Variants in EGF observed in about 807,000 individuals in gnomAD.
EGF encodes epidermal growth factor, also known as pro-epidermal growth factor.
In EGF, 95 loss-of-function variants were observed where a neutral mutation model predicts 143.8. That is an observed-to-expected ratio of 0.66 (90% CI 0.56 to 0.78). The LOEUF (loss-of-function observed/expected upper bound fraction) is 0.78, where lower values mean the gene tolerates loss of function less well. Ranked by LOEUF, EGF falls within the 30% of genes least tolerant of loss-of-function variation. The pLI is 0.00. For missense variants in EGF, 1,320 were observed against 1,470.9 expected (o/e 0.90, Z 1.68); for synonymous variants, 510 against 510.5 (o/e 1.00, Z 0.01).
intron 21 of EGF, among the ~76,000 whole-genome samples, chr4:110,000,642 A>T (rs959820753): frequency 1.3e-5 from 2 of 152,248 alleles, no homozygotes; most frequent in Admixed American, 6.5e-5. Context: ...ACATTTATAC[A>T]TTTAATTCTT....
At chr4:109,930,739 T>A (rs1739544567) in intron 1 of EGF, among the ~76,000 whole-genome samples, 1 of 152,040 alleles carries the variant, frequency 6.6e-6, no homozygotes, top group Admixed American at 6.6e-5. Context: ...GATGAAGGGG[T>A]GTGTGTTATA....
In EGF at chr4:109,969,097, A is replaced by G. The variant is rs767419033; in HGVS notation, c.1702A>G (p.Arg568Gly). The change falls in exon 11 of 24, where the codon AGA becomes GGA. Residue 568 changes from arginine to glycine, a missense_variant. Arg to Gly is a moderately radical substitution (Grantham distance 125). This residue lies in a region of EGF where 1,186 missense variants were observed against 1,313.7 expected (regional missense o/e 0.90). Coordinates refer to ENST00000265171, the MANE Select transcript of EGF (RefSeq NM_001963.6). The part of the protein sequence containing the change: ...EGLAVDWIGR[R>G]FYWTDRGKSL... ...TCTTGCTGTGGACTGGATTGGCCGT[A>G]GATTCTATTGGACAGACAGAGGGTA... The G allele has an allele frequency of 6.2e-7, 1 of 1,614,156 alleles. No homozygotes were observed. Among genetic ancestry groups the G allele is most frequent in the Non-Finnish European group, 8.5e-7 (1 of 1,180,016 alleles).
At chr4:110,002,439 G>A (rs1396384660) in intron 21 of EGF, among the ~76,000 whole-genome samples, 1 of 152,162 alleles carries the variant, frequency 6.6e-6, no homozygotes, top group Non-Finnish European at 1.5e-5. Context: ...ATTACAGTAA[G>A]CCGTGATTGC....
chr4:109,963,812 G>A (rs1357243507), intron 9 of EGF, among the ~76,000 whole-genome samples: 1 of 152,064 alleles, frequency 6.6e-6, no homozygotes, highest in African/African-American at 2.4e-5. Context: ...TCTCCTGAAG[G>A]TTCATTATGT....
At chr4:109,963,592 T>C (rs1746064453) in intron 9 of EGF, among the ~76,000 whole-genome samples, 1 of 152,212 alleles carries the variant, frequency 6.6e-6, no homozygotes, top group Non-Finnish European at 1.5e-5. Context: ...CACTTTATAG[T>C]TAAGAGGCAT....
At chr4:109,942,639 G>A (rs1359930115) in intron 2 of EGF, among the ~76,000 whole-genome samples, 1 of 152,202 alleles carries the variant, frequency 6.6e-6, no homozygotes, top group Non-Finnish European at 1.5e-5. Flanking sequence ...ATTAAGATAT[G>A]AAAAGTTCTG....
chr4:109,999,872 G>A, intron 21 of EGF, 26 bp downstream of exon 21: 1 of 1,612,436 alleles, frequency 6.2e-7, no homozygotes, highest in Non-Finnish European at 8.5e-7. Context: ...CTTTGGTACT[G>A]GAAACCTCTT....
chr4:109,963,554 G>A (rs1352654245), intron 9 of EGF, among the ~76,000 whole-genome samples: 3 of 152,112 alleles, frequency 2.0e-5, no homozygotes, highest in Non-Finnish European at 4.4e-5. Context: ...TAGTATATGA[G>A]AAAGTCATGA....
At chr4:110,004,015 A>T (rs537714464) in intron 21 of EGF, among the ~76,000 whole-genome samples, 32 of 152,110 alleles carry the variant, frequency 2.1e-4, no homozygotes, top group Non-Finnish European at 4.4e-4. Context: ...TCACTTGTAA[A>T]TGGAGCTAAC....
intron 1 of EGF, among the ~76,000 whole-genome samples, chr4:109,929,361 C>T (rs1242258252): frequency 6.6e-6 from 1 of 152,090 alleles, no homozygotes; most frequent in Non-Finnish European, 1.5e-5. Context: ...CTAGTGTTCT[C>T]CAATTGAATG....
chr4:110,006,847 A>G (rs1753376891), intron 22 of EGF, among the ~76,000 whole-genome samples: 1 of 152,234 alleles, frequency 6.6e-6, no homozygotes, highest in South Asian at 2.1e-4. Flanking sequence ...TGCTGTAGAT[A>G]TCAGTGGGAG....
At position 109,944,021 on chromosome 4, in the gene EGF, C is replaced by G; in HGVS notation, c.689C>G (p.Ser230Cys). The change falls in exon 4 of 24, where the codon TCC becomes TGC. Residue 230 changes from serine (S) to cysteine (C), a missense_variant. Ser to Cys is a moderately radical substitution (Grantham distance 112). Coordinates refer to ENST00000265171, the MANE Select transcript of EGF (RefSeq NM_001963.6). ...GAAGGAAGCAATTCTCTTATTTGCT[C>G]CTGTGATTATGATGGAGGTTCTGTC... Reference protein sequence around the residue: ...NREGSNSLICSCDYDGGSVHI... With the variant: ...NREGSNSLICCCDYDGGSVHI... The G allele has an allele frequency of 6.2e-7, 1 of 1,614,132 alleles. No individual in the cohort carries two copies. The highest frequency in any genetic ancestry group is 8.5e-7 in the Non-Finnish European group (1 of 1,180,016).
chr4:109,963,719 A>ATTT (rs150102791), intron 9 of EGF, among the ~76,000 whole-genome samples: 5 of 151,724 alleles, frequency 3.3e-5, no homozygotes, highest in African/African-American at 1.2e-4. Flanking sequence ...CGCTTCAGCT[A>ATTT]TTTTTTTTGT....
rs74481553 is a variant in EGF, at chr4:109,939,303, G to A, written c.128-1643G>A. On this transcript the variant is annotated intron_variant, in intron 1 of 23. Coordinates refer to ENST00000265171, the MANE Select transcript of EGF (RefSeq NM_001963.6). Reference sequence around the variant, plus strand: ...TCCCAGATCGATCTCAGACTGCTGCGCTAGCAGTGAGCAAGGCTCCATGGG... The same window carrying A: ...TCCCAGATCGATCTCAGACTGCTGCACTAGCAGTGAGCAAGGCTCCATGGG... 0.013 allele frequency among the ~76,000 whole-genome samples: 1,996 copies of A among 152,326 alleles called. 209 individuals are homozygous for A. The East Asian group carries it at 0.23, about 18-fold the overall frequency.
intron 21 of EGF, chr4:110,004,099 T>G (rs1360996808): frequency 4.5e-6 from 1 of 220,334 alleles, no homozygotes; most frequent in African/African-American, 2.3e-5. Flanking sequence ...AATTAGTTGT[T>G]TTTTCATTGC....
intron 18 of EGF, among the ~76,000 whole-genome samples, chr4:109,989,968 C>T (rs981472345): frequency 7.2e-5 from 11 of 152,052 alleles, no homozygotes; most frequent in Admixed American, 3.3e-4. Flanking sequence ...TATAATACTT[C>T]GAACCTTGTC....
Position 109,943,251 on chromosome 4 carries a change from C to T in EGF, c.328-3C>T. 2 of 1,573,160 alleles carry T rather than the reference C, an allele frequency of 1.3e-6. No homozygotes were observed. Among genetic ancestry groups the T allele is most frequent in the Non-Finnish European group, 1.7e-6 (2 of 1,159,846 alleles). On this transcript the variant is annotated splice_polypyrimidine_tract_variant and splice_region_variant and intron_variant, in intron 2 of 23. Coordinates refer to ENST00000265171, the MANE Select transcript of EGF (RefSeq NM_001963.6). Reference sequence around the variant, plus strand: ...ATAACAATTTTAAAATTTGATTTTGCAGAGAGTATGTAATATAGAGAAAAA... The same window carrying T: ...ATAACAATTTTAAAATTTGATTTTGTAGAGAGTATGTAATATAGAGAAAAA...
chr4:109,914,122 A>C (rs918817016), intron 1 of EGF, among the ~76,000 whole-genome samples: 1 of 152,198 alleles, frequency 6.6e-6, no homozygotes, highest in African/African-American at 2.4e-5. Context: ...TTTTTTGCCA[A>C]GGGGAAATGG....
chr4:109,986,528 C>T (rs987946415), intron 16 of EGF, among the ~76,000 whole-genome samples: 3 of 152,318 alleles, frequency 2.0e-5, no homozygotes, highest in East Asian at 1.9e-4. Context: ...TGTCTGCATT[C>T]ACATGCCACC....
Sources: gnomAD v4.1 joint callset for allele counts (sites outside exome capture counted in the v4.1 genomes callset) on GRCh38, gnomAD v4.1.1 for gene constraint, gnomAD v4.1.1 regional missense constraint, MANE v1.5 for transcripts, NCBI Gene and HGNC (gene_info 2026-07-23, HGNC 2026-07-21) for gene names.